Variants in IFT88 observed in about 807,000 individuals in gnomAD.
IFT88 encodes the protein intraflagellar transport protein 88 homolog.
IFT88 carries 74 observed loss-of-function variants against 119.5 expected under a neutral mutation model. The ratio of observed to expected loss-of-function variants is 0.62; its 90% confidence interval spans 0.51 to 0.75. The LOEUF (loss-of-function observed/expected upper bound fraction) is 0.75, where lower values mean the gene tolerates loss of function less well. IFT88 is among the 30% of genes least tolerant of loss of function. The pLI is 0.00. For synonymous variants in IFT88, 279 were observed against 316.7 expected (o/e 0.88, Z 1.26); for missense variants, 961 against 977.7 (o/e 0.98, Z 0.23).
chr13:20,674,187 C>T (rs2056320465), intron 24 of IFT88, among the ~76,000 whole-genome samples: 1 of 152,154 alleles, frequency 6.6e-6, no homozygotes, highest in Non-Finnish European at 1.5e-5. Context: ...CGGAACAAAC[C>T]CAGGCTGTGA....
At chr13:20,640,448 C>G (rs958656874) in intron 17 of IFT88, among the ~76,000 whole-genome samples, 2 of 151,966 alleles carry the variant, frequency 1.3e-5, no homozygotes. Flanking sequence ...TGGCGGGCGC[C>G]TGTAGTCCCA....
intron 2 of IFT88, among the ~76,000 whole-genome samples, chr13:20,581,504 A>G (rs906324626): frequency 2.0e-5 from 3 of 152,204 alleles, no homozygotes; most frequent in Admixed American, 6.5e-5. Context: ...ACTTCATTCA[A>G]AAGTCTTTAG....
At chr13:20,576,510 T>C (rs1000557046) in intron 2 of IFT88, among the ~76,000 whole-genome samples, 1 of 152,228 alleles carries the variant, frequency 6.6e-6, no homozygotes, top group Non-Finnish European at 1.5e-5. Flanking sequence ...GTCTTAGATT[T>C]CTAAGTCCTT....
At chr13:20,679,111 G>A (rs543335288) in intron 24 of IFT88, among the ~76,000 whole-genome samples, 3 of 152,132 alleles carry the variant, frequency 2.0e-5, no homozygotes, top group South Asian at 4.2e-4. Flanking sequence ...TTTCCCACTC[G>A]TGCTCTGTTT....
At chr13:20,577,768 G>C (rs1243368975) in intron 2 of IFT88, among the ~76,000 whole-genome samples, 1 of 152,094 alleles carries the variant, frequency 6.6e-6, no homozygotes, top group Non-Finnish European at 1.5e-5. Flanking sequence ...GTGTTTTATT[G>C]AGGATTTTTG....
In IFT88 at chr13:20,670,501, T is replaced by G. The variant is rs565091094; in HGVS notation, c.2176-472T>G. On this transcript the variant is annotated intron_variant, in intron 23 of 25. Transcript: ENST00000351808. ...TTAATCATACTTTTATTTTATAAAT[T>G]GAATTTCAAAACTCAGCTTACCTTT... is the stretch of plus-strand genomic sequence containing the variant. Among the ~76,000 whole-genome samples, 4 of 150,842 alleles carry G rather than the reference T, an allele frequency of 2.7e-5. No individual in the cohort carries two copies. In the East Asian group the frequency reaches 7.7e-4, roughly 29 times the overall value.
In IFT88 at chr13:20,621,537, A is replaced by T. The variant is rs1352662621; in HGVS notation, c.1200-4213A>T. On this transcript the variant is annotated intron_variant, in intron 14 of 25. Coordinates refer to ENST00000351808, the MANE Select transcript of IFT88 (RefSeq NM_006531.5). Reference sequence around the variant, plus strand: ...AAAACCTGCTGAGATAAAAAAAAAAAAAAAAAAAAAAAAAAAAAAAGACTT... The same window carrying T: ...AAAACCTGCTGAGATAAAAAAAAAATAAAAAAAAAAAAAAAAAAAAGACTT... Among the ~76,000 whole-genome samples the T allele has an allele frequency of 4.3e-3, 72 of 16,572 alleles. 1 individual carries two copies. Among genetic ancestry groups the T allele is most frequent in the Middle Eastern group, 0.031 (1 of 32 alleles). The allele number at this position is 16,572 out of a possible 152,430, so 10.9% of individuals were successfully genotyped here.
intron 23 of IFT88, among the ~76,000 whole-genome samples, chr13:20,668,708 A>G (rs2140948018): frequency 6.6e-6 from 1 of 152,344 alleles, no homozygotes; most frequent in Admixed American, 6.5e-5. Context: ...AGTCCCGACC[A>G]GGGGACACAC....
chr13:20,632,349 C>A (rs2048328084), intron 16 of IFT88, among the ~76,000 whole-genome samples: 1 of 152,128 alleles, frequency 6.6e-6, no homozygotes, highest in South Asian at 2.1e-4. Flanking sequence ...TTAGGAATAA[C>A]TGTTCATGCT....
intron 13 of IFT88, among the ~76,000 whole-genome samples, chr13:20,611,710 T>C (rs1271342342): frequency 6.6e-6 from 1 of 152,002 alleles, no homozygotes; most frequent in East Asian, 2.0e-4. Context: ...GTTCGAGCGA[T>C]TCCCCTGCCT....
intron 3 of IFT88, among the ~76,000 whole-genome samples, chr13:20,585,247 T>C (rs552313468): frequency 1.3e-5 from 2 of 152,298 alleles, no homozygotes; most frequent in African/African-American, 2.4e-5. Context: ...TGCAAGTTCA[T>C]GGTTCCCAGA....
chr13:20,578,220 A>AT (rs902474775), intron 2 of IFT88, among the ~76,000 whole-genome samples: 7 of 146,706 alleles, frequency 4.8e-5, no homozygotes, highest in African/African-American at 7.5e-5. Context: ...AATTTTTTGT[A>AT]TTTTTTTTAG....
chr13:20,634,730 A>C (rs1341812279), intron 16 of IFT88, among the ~76,000 whole-genome samples: 1 of 142,552 alleles, frequency 7.0e-6, no homozygotes, highest in African/African-American at 2.7e-5. Context: ...TCCATCTCAA[A>C]CAAACAAAAA....
At chr13:20,572,701 G>A (rs1366533328) in intron 1 of IFT88, among the ~76,000 whole-genome samples, 1 of 152,048 alleles carries the variant, frequency 6.6e-6, no homozygotes, top group African/African-American at 2.4e-5. Flanking sequence ...ATACACTTGT[G>A]CGACTCAAAC....
intron 1 of IFT88, chr13:20,568,060 C>G: frequency 1.4e-6 from 1 of 708,036 alleles, no homozygotes; most frequent in Non-Finnish European, 2.6e-6. Flanking sequence ...AGAAAGTTTA[C>G]GAATTTGTGT....
intron 23 of IFT88, among the ~76,000 whole-genome samples, chr13:20,670,327 A>G (rs2055575501): frequency 6.6e-6 from 1 of 152,176 alleles, no homozygotes; most frequent in African/African-American, 2.4e-5. Context: ...TGTTAATACA[A>G]AAATTCTAAT....
chr13:20,614,296 A>T (rs1464731743), intron 13 of IFT88: 1 of 152,192 alleles, frequency 6.6e-6, no homozygotes, highest in Non-Finnish European at 1.5e-5. Flanking sequence ...GCTGTCTCTT[A>T]TTTCGTATGT....
At chr13:20,665,261 G>T (rs548130633) in intron 23 of IFT88, among the ~76,000 whole-genome samples, 2 of 151,982 alleles carry the variant, frequency 1.3e-5, no homozygotes, top group East Asian at 3.9e-4. Context: ...CTTTCTTTTG[G>T]CCAGATTGAC....
At chr13:20,594,640 TTAA>T (rs1183792728) in intron 7 of IFT88, among the ~76,000 whole-genome samples, 1 of 152,202 alleles carries the variant, frequency 6.6e-6, no homozygotes, top group Non-Finnish European at 1.5e-5. Flanking sequence ...TATTTTGAAT[TTAA>T]TAATAAAATC....
Sources: allele counts gnomAD v4.1 joint callset (sites outside exome capture counted in the v4.1 genomes callset), GRCh38; gene constraint gnomAD v4.1.1; transcripts MANE v1.5; gene names NCBI Gene and HGNC (gene_info 2026-07-23, HGNC 2026-07-21).